LIMCH1: variants seen among roughly 807,000 people sequenced by gnomAD.
LIMCH1 encodes the protein LIM and calponin homology domains-containing protein 1.
LIMCH1 carries 113 observed loss-of-function variants against 176.5 expected under a neutral mutation model. The ratio of observed to expected loss-of-function variants is 0.64; its 90% confidence interval spans 0.55 to 0.75. The LOEUF (loss-of-function observed/expected upper bound fraction) is 0.75. LIMCH1 is among the 30% of genes least tolerant of loss of function. The probability of loss-of-function intolerance (pLI) is 0.00; values close to 1 mark genes in which losing one functional copy is unlikely to be tolerated. For synonymous variants in LIMCH1, 619 were observed against 645.9 expected, an observed-to-expected ratio of 0.96 and a Z score of 0.63; for missense variants, 1,674 against 1,814.9, an observed-to-expected ratio of 0.92 and a Z score of 1.41.
At chr4:41,530,445 T>C (rs777337738) in intron 3 of LIMCH1, among the ~76,000 whole-genome samples, 3 of 152,144 alleles carry the variant, frequency 2.0e-5, no homozygotes, top group Non-Finnish European at 2.9e-5. Context: ...TGGTTTATCT[T>C]ATAGATTACC....
intron 17 of LIMCH1, among the ~76,000 whole-genome samples, chr4:41,648,824 C>G (rs1400164560): frequency 1.3e-5 from 2 of 151,056 alleles, no homozygotes; most frequent in South Asian, 4.2e-4. Flanking sequence ...AGTTACCACC[C>G]GTTGCTAGGT....
At chr4:41,689,661 A>G (rs1374893526) in intron 30 of LIMCH1, 26 bp downstream of exon 30, 1 of 1,344,064 alleles carries the variant, frequency 7.4e-7, no homozygotes, top group South Asian at 1.2e-5. Context: ...TTTGCTCTCC[A>G]GACACAACTT....
chr4:41,462,062 T>A (rs2065442067), intron 1 of LIMCH1, among the ~76,000 whole-genome samples: 1 of 152,176 alleles, frequency 6.6e-6, no homozygotes, highest in African/African-American at 2.4e-5. Context: ...TCTCTTTGTA[T>A]GATAAATAAT....
chr4:41,393,542 G>T (rs1194422276), intron 1 of LIMCH1, among the ~76,000 whole-genome samples: 1 of 152,190 alleles, frequency 6.6e-6, no homozygotes, highest in African/African-American at 2.4e-5. Flanking sequence ...GTGTGTTCCA[G>T]TTACTCATGT....
rs546771236 is a variant in LIMCH1, at chr4:41,575,298, GAATGGGTA to G, written c.-240-23618_-240-23611del. On this transcript the variant is annotated intron_variant, in intron 1 of 31. Transcript: ENST00000503057. Reference sequence around the variant, plus strand: ...TGTATTATTTCATCAGGTATGGTTTGAATGGGTAAATATCTGCCTCACCGCAAATGCAA... The same window carrying G: ...TGTATTATTTCATCAGGTATGGTTTGAATATCTGCCTCACCGCAAATGCAA... Among the ~76,000 whole-genome samples, 135 of 152,326 alleles carry G rather than the reference GAATGGGTA, an allele frequency of 8.9e-4. 1 individual carries two copies. Among genetic ancestry groups the G allele is most frequent in the African/African-American group, 3.1e-3 (128 of 41,570 alleles).
At chr4:41,531,179 A>G (rs1332521806) in intron 3 of LIMCH1, among the ~76,000 whole-genome samples, 4 of 152,092 alleles carry the variant, frequency 2.6e-5, no homozygotes, top group Admixed American at 2.0e-4. Flanking sequence ...GTTTGGAGAC[A>G]TCAACCTCTA....
chr4:41,675,746 T>C (rs1317009227), intron 22 of LIMCH1, among the ~76,000 whole-genome samples: 1 of 152,054 alleles, frequency 6.6e-6, no homozygotes, highest in African/African-American at 2.4e-5. Flanking sequence ...TATTCCTCAT[T>C]ATTTACTTGG....
intron 1 of LIMCH1, among the ~76,000 whole-genome samples, chr4:41,492,347 G>C (rs894486421): frequency 1.3e-5 from 2 of 151,792 alleles, no homozygotes; most frequent in African/African-American, 4.8e-5. Flanking sequence ...GTTGCAGCGA[G>C]CCGAGATCAT....
rs71198665 is a variant in LIMCH1, at chr4:41,514,005, T to TAAAAAAAAA, written c.168-10370_168-10362dup. Among the ~76,000 whole-genome samples the TAAAAAAAAA allele has an allele frequency of 1.3e-3, 63 of 48,520 alleles. 1 individual carries two copies. Among genetic ancestry groups the TAAAAAAAAA allele is most frequent in the South Asian group, 3.0e-3 (3 of 1,000 alleles). 31.8% of individuals were successfully genotyped at this position (48,520 alleles called of 152,430 possible). On this transcript the variant is annotated intron_variant, in intron 2 of 26. Coordinates refer to the LIMCH1 transcript ENST00000313860. ...TGGGTGATAGAGAGAGACTCCGTCT[T>TAAAAAAAAA]AAAAAAAAAAAAAAAAAAAAAAAAA...
chr4:41,676,396 A>T lies in LIMCH1; in HGVS notation c.3453A>T (p.Ala1151=), dbSNP rs751622253. ...SPVMTPFKFW[A]WDPEEERRRQ... ...TTTCTAAGCAGTTTAAGTTCTGGGC[A>T]TGGGACCCAGAAGAGGAGCGCAGGC... Residue 1151 remains alanine, a synonymous_variant, in exon 23 of 32, where the codon GCA becomes GCT. Transcript: ENST00000503057. 6.2e-7 allele frequency: 1 copy of T among 1,613,482 alleles called. No homozygotes were observed. Among genetic ancestry groups the T allele is most frequent in the Non-Finnish European group, 8.5e-7 (1 of 1,179,446 alleles).
chr4:41,652,728 A>G lies in LIMCH1; in HGVS notation c.3036+2120A>G, dbSNP rs115392627. On this transcript the variant is annotated intron_variant, in intron 18 of 31. Coordinates refer to ENST00000503057, the MANE Select transcript of LIMCH1 (RefSeq NM_001330672.2). ...TAAAAAGATTTCACATTGATTACAT[A>G]TCCCCCAAAGTAACTTGTTTTAAGA... 2.0e-3 allele frequency among the ~76,000 whole-genome samples: 304 copies of G among 152,280 alleles called. 1 individual carries two copies. The highest frequency in any genetic ancestry group is 6.8e-3 in the Middle Eastern group (2 of 294).
chr4:41,496,367 G>A (rs1353383795), intron 2 of LIMCH1, among the ~76,000 whole-genome samples: 1 of 152,162 alleles, frequency 6.6e-6, no homozygotes, highest in African/African-American at 2.4e-5. Context: ...TCAAGCTCTC[G>A]TTTCCCCAGT....
At chr4:41,447,033 A>G (rs1299582239) in intron 1 of LIMCH1, among the ~76,000 whole-genome samples, 1 of 152,212 alleles carries the variant, frequency 6.6e-6, no homozygotes, top group East Asian at 1.9e-4. Flanking sequence ...GTTTGAGACC[A>G]ACCCGGGCAA....
chr4:41,519,523 C>G (rs561759609), intron 2 of LIMCH1, among the ~76,000 whole-genome samples: 1 of 152,254 alleles, frequency 6.6e-6, no homozygotes, highest in Admixed American at 6.5e-5. Context: ...AGCTTTTCTT[C>G]CTGTTTCTAG....
intron 1 of LIMCH1, among the ~76,000 whole-genome samples, chr4:41,456,890 T>C (rs1315743981): frequency 2.0e-5 from 3 of 152,124 alleles, no homozygotes; most frequent in Non-Finnish European, 4.4e-5. Flanking sequence ...CATACCGACA[T>C]GTGGCCTCTC....
intron 1 of LIMCH1, among the ~76,000 whole-genome samples, chr4:41,567,871 T>C (rs1030955707): frequency 1.3e-5 from 2 of 152,204 alleles, no homozygotes; most frequent in Non-Finnish European, 2.9e-5. Flanking sequence ...TTGGCAGCTA[T>C]AGGCCGGGCG....
intron 1 of LIMCH1, among the ~76,000 whole-genome samples, chr4:41,596,076 A>G (rs1455908141): frequency 1.3e-5 from 2 of 151,468 alleles, no homozygotes; most frequent in Admixed American, 6.6e-5. Flanking sequence ...AAAGTTCACC[A>G]GCAAGCTTTG....
intron 3 of LIMCH1, among the ~76,000 whole-genome samples, chr4:41,530,788 C>T (rs1249730277): frequency 2.2e-5 from 2 of 92,710 alleles, no homozygotes; most frequent in East Asian, 2.4e-4. Flanking sequence ...AGAGCGAAAC[C>T]CCGCCTAAAA....
At chr4:41,549,111 A>G (rs769263848) in intron 1 of LIMCH1, among the ~76,000 whole-genome samples, 1 of 151,680 alleles carries the variant, frequency 6.6e-6, no homozygotes, top group East Asian at 1.9e-4. Context: ...GCTGGTCTCA[A>G]ACTCCCAGAC....
Sources: gnomAD v4.1 joint callset for allele counts (sites outside exome capture counted in the v4.1 genomes callset) on GRCh38, gnomAD v4.1.1 for gene constraint, MANE v1.5 for transcripts, NCBI Gene and HGNC (gene_info 2026-07-23, HGNC 2026-07-21) for gene names.